Variants in IFT140 observed in about 807,000 individuals in gnomAD.
The protein encoded by IFT140 is intraflagellar transport 140.
A neutral mutation model predicts 164.6 loss-of-function variants in IFT140; 133 were observed. The ratio of observed to expected loss-of-function variants is 0.81; its 90% CI spans 0.70 to 0.93. The LOEUF (loss-of-function observed/expected upper bound fraction) is 0.93, where lower values mean the gene tolerates loss of function less well. Ranked by LOEUF, IFT140 falls within the 40% of genes least tolerant of loss-of-function variation. The probability of loss-of-function intolerance (pLI) is 0.00; values close to 1 mark genes in which losing one functional copy is unlikely to be tolerated. For missense variants in IFT140, 2,045 were observed against 1,972.3 expected (o/e 1.04, Z -0.70); for synonymous variants, 860 against 817.3 (o/e 1.05, Z -0.89).
intron 19 of IFT140, chr16:1,541,066 A>G: frequency 1.0e-6 from 1 of 985,448 alleles, no homozygotes; most frequent in Non-Finnish European, 1.2e-6. Context: ...CCTGAGGGCA[A>G]CAAACGCACC....
intron 30 of IFT140, among the ~76,000 whole-genome samples, chr16:1,515,235 C>G (rs776811922): frequency 1.3e-5 from 2 of 152,098 alleles, no homozygotes; most frequent in Non-Finnish European, 2.9e-5. Context: ...ATCATTATCG[C>G]ACTGCTGAAA....
intron 30 of IFT140, among the ~76,000 whole-genome samples, chr16:1,511,467 C>T (rs1452731229): frequency 2.0e-5 from 3 of 152,228 alleles, no homozygotes; most frequent in Non-Finnish European, 2.9e-5. Context: ...CGTGCGTGTG[C>T]GGGCAGAGCC....
intron 19 of IFT140, among the ~76,000 whole-genome samples, chr16:1,545,025 C>T (rs1399461516): frequency 3.3e-5 from 5 of 152,170 alleles, no homozygotes; most frequent in Admixed American, 6.5e-5. Flanking sequence ...TTTGGCATGT[C>T]GAAAATGACA....
Position 1,602,227 on chromosome 16 carries a change from A to G in IFT140, c.369+143T>C, listed in dbSNP as rs1167776628. On this transcript the variant is annotated intron_variant, in intron 4 of 30. Coordinates refer to ENST00000426508, the MANE Select transcript of IFT140 (RefSeq NM_014714.4). ...CAAATTTTCAAGCCTTGCTTCCAAT[A>G]TAAAACAAAATCTACAATTGCATCT... 5.2e-6 allele frequency: 4 copies of G among 767,704 alleles called. No homozygotes were observed. In the Admixed American group the frequency reaches 9.8e-5, roughly 19 times the overall value. 47.6% of individuals were successfully genotyped at this position (767,704 alleles called of 1,614,324 possible).
At chr16:1,585,944 G>GT (rs1479343184) in intron 10 of IFT140, among the ~76,000 whole-genome samples, 186 bp downstream of exon 10, 4 of 151,692 alleles carry the variant, frequency 2.6e-5, no homozygotes, top group Non-Finnish European at 5.9e-5. Context: ...CTAATTTTTT[G>GT]TATTTTTTAG....
intron 19 of IFT140, chr16:1,530,745 C>CCCGTGGGGAGCGGGAG (rs2030386836): frequency 6.6e-6 from 1 of 152,282 alleles, no homozygotes; most frequent in African/African-American, 2.4e-5. Flanking sequence ...AGAGAGCCCG[C>CCCGTGGGGAGCGGGAG]AGGCCGGCCC....
chr16:1,586,899 GTCTCA>G (rs2034914926), intron 9 of IFT140, among the ~76,000 whole-genome samples: 2 of 152,138 alleles, frequency 1.3e-5, no homozygotes, highest in Non-Finnish European at 2.9e-5. Context: ...TGGAGACGGG[GTCTCA>G]CTATGTAGCT....
chr16:1,568,467 TGCACCATGAGGTG>T (rs2141598635), intron 14 of IFT140, 133 bp from the exon 15 acceptor site: 1 of 712,836 alleles, frequency 1.4e-6, no homozygotes, highest in African/African-American at 1.8e-5. Flanking sequence ...GTGGCGCGTG[TGCACCATGAGGTG>T]GGGCAAACGC....
At chr16:1,518,058 G>C (rs1395449318) in intron 30 of IFT140, 158 bp downstream of exon 30, 16 of 656,006 alleles carry the variant, frequency 2.4e-5, no homozygotes, top group Non-Finnish European at 3.8e-5. Flanking sequence ...GGCTGCTCTT[G>C]AACTCCTGGG....
At chr16:1,516,498 G>C (rs1274985978) in intron 30 of IFT140, among the ~76,000 whole-genome samples, 1 of 151,836 alleles carries the variant, frequency 6.6e-6, no homozygotes, top group South Asian at 2.1e-4. Flanking sequence ...GGCCAGGTGC[G>C]GTGGCTCACG....
intron 19 of IFT140, among the ~76,000 whole-genome samples, chr16:1,543,331 T>G (rs1184494216): frequency 6.6e-6 from 1 of 152,194 alleles, no homozygotes. Flanking sequence ...AAATACAATT[T>G]CCAGAAGGAG....
chr16:1,524,892 C>G lies in IFT140; in HGVS notation c.2889G>C (p.Gln963His). Reference sequence around the variant, plus strand: ...CCATCTCGCCCTGGCTCTCCAGGTACTGCGCCCACCACCGCCACAGGGTCC... The same window carrying G: ...CCATCTCGCCCTGGCTCTCCAGGTAGTGCGCCCACCACCGCCACAGGGTCC... ...KDKTLWRWWAQYLESQGEMDA... is the reference protein window; with the variant it reads ...KDKTLWRWWAHYLESQGEMDA... The change falls in exon 23 of 31, where the codon CAG (glutamine) becomes CAC (histidine). Residue 963 changes from glutamine (Q) to histidine (H), a missense_variant. Transcript: ENST00000426508. 6.2e-7 allele frequency: 1 copy of G among 1,609,820 alleles called. No individual in the cohort carries two copies. The highest frequency in any genetic ancestry group is 1.1e-5 in the South Asian group (1 of 91,036).
At chr16:1,580,931 G>A in intron 12 of IFT140, 81 bp from the exon 13 acceptor site, 3 of 893,846 alleles carry the variant, frequency 3.4e-6, no homozygotes, top group Non-Finnish European at 1.9e-6. Flanking sequence ...TCCCACACAC[G>A]ATCCCTAATT....
At chr16:1,514,349 G>A (rs2473458) in intron 30 of IFT140, 20,405 of 151,554 alleles carry the variant, frequency 0.13, 2,367 homozygotes, top group African/African-American at 0.32. Flanking sequence ...CAGCCTGGGC[G>A]ATAGAGCGAC....
chr16:1,571,273 G>C, intron 14 of IFT140, 134 bp downstream of exon 14: 1 of 790,416 alleles, frequency 1.3e-6, no homozygotes, highest in Non-Finnish European at 2.0e-6. Context: ...AGGCATTCGA[G>C]AGCACAAGTG....
chr16:1,591,704 C>A (rs992524957), intron 6 of IFT140, among the ~76,000 whole-genome samples: 1 of 152,206 alleles, frequency 6.6e-6, no homozygotes, highest in Non-Finnish European at 1.5e-5. Flanking sequence ...CACACGGTGT[C>A]CAGCGCTGAC....
intron 26 of IFT140, among the ~76,000 whole-genome samples, chr16:1,521,530 A>G (rs898889423): frequency 5.3e-5 from 8 of 151,970 alleles, no homozygotes; most frequent in African/African-American, 1.9e-4. Flanking sequence ...CTGGGATTAC[A>G]GGCGCCCGCC....
intron 19 of IFT140, chr16:1,530,998 A>G (rs947282875): frequency 1.3e-5 from 2 of 152,218 alleles, no homozygotes; most frequent in East Asian, 1.9e-4. Flanking sequence ...ACCCGCCAGA[A>G]GCGTCCAGAC....
At position 1,557,957 on chromosome 16, in the gene IFT140, T is replaced by G. The variant is rs2033194549; in HGVS notation, c.2377A>C (p.Lys793Gln). ...VTIGDMDEAFKSIKLIKSEAV... is the reference protein window; with the variant it reads ...VTIGDMDEAFQSIKLIKSEAV... ...CACCTTTTGATGAGCTTGATGGATT[T>G]GAAGGCTTCGTCCATGTCTCCTATG... Residue 793 changes from lysine (K) to glutamine (Q), a missense_variant, in exon 19 of 31, where the codon AAA (lysine) becomes CAA (glutamine). Lys to Gln is a moderately conservative substitution (Grantham distance 53). Coordinates refer to ENST00000426508, the MANE Select transcript of IFT140 (RefSeq NM_014714.4). 6.2e-7 allele frequency: 1 copy of G among 1,613,722 alleles called. No individual in the cohort carries two copies.
Sources: gnomAD v4.1 joint callset for allele counts (sites outside exome capture counted in the v4.1 genomes callset) on GRCh38, gnomAD v4.1.1 for gene constraint, MANE v1.5 for transcripts, NCBI Gene and HGNC (gene_info 2026-07-23, HGNC 2026-07-21) for gene names.